RAD54L: variants seen among roughly 807,000 people sequenced by gnomAD.
RAD54L encodes DNA repair and recombination protein RAD54-like.
In RAD54L, 74 loss-of-function variants were observed where a neutral mutation model predicts 91.6. The observed-to-expected ratio is 0.81, with a 90% CI of 0.67 to 0.98. The LOEUF (loss-of-function observed/expected upper bound fraction) is 0.98, where lower values mean the gene tolerates loss of function less well. Ranked by LOEUF, RAD54L falls within the 50% of genes least tolerant of loss-of-function variation. The pLI is 0.00. For missense variants in RAD54L, 887 were observed against 945.7 expected, an observed-to-expected ratio of 0.94 and a Z score of 0.81; for synonymous variants, 304 against 349.7, an observed-to-expected ratio of 0.87 and a Z score of 1.46.
At position 46,257,134 on chromosome 1, in the gene RAD54L, A is replaced by G. The variant is rs1158389930; in HGVS notation, c.211-1552A>G. Among the ~76,000 whole-genome samples the G allele has an allele frequency of 3.6e-5, 5 of 138,542 alleles. No individual in the cohort carries two copies. In the East Asian group the frequency reaches 8.3e-4, roughly 23 times the overall value. The allele number at this position is 138,542 out of a possible 152,430, so 90.9% of individuals were successfully genotyped here. Reference sequence around the variant, plus strand: ...ACTCCAGCCTGGGCAACAGAGCAAGACTCCATCTCAAAAAAAAAAAAAAAA... The same window carrying G: ...ACTCCAGCCTGGGCAACAGAGCAAGGCTCCATCTCAAAAAAAAAAAAAAAA... On this transcript the variant is annotated intron_variant, in intron 3 of 17. Transcript: ENST00000371975.
Position 46,278,470 on chromosome 1 carries a change from G to C in RAD54L, c.*188G>C. On this transcript the variant is annotated 3_prime_UTR_variant, in exon 18 of 18. Transcript: ENST00000371975. ...AAAAAAAAGAATAAAGGTATGAAAG[G>C]GTTTGAGGCCTGAGAGCAGTGTGGT... is the stretch of plus-strand genomic sequence containing the variant. The C allele has an allele frequency of 1.3e-6, 1 of 740,968 alleles. No homozygotes were observed. Among genetic ancestry groups the C allele is most frequent in the Non-Finnish European group, 2.2e-6 (1 of 451,262 alleles). The allele number at this position is 740,968 out of a possible 1,614,324, so 45.9% of individuals were successfully genotyped here.
At position 46,267,528 on chromosome 1, in the gene RAD54L, G is replaced by A. The variant is rs1234818868; in HGVS notation, c.961G>A (p.Val321Met). 1 of 1,614,036 alleles carries A rather than the reference G, an allele frequency of 6.2e-7. No individual in the cohort carries two copies. The highest frequency in any genetic ancestry group is 1.7e-5 in the Admixed American group (1 of 60,010). ...GGACAGCTTGAACACCAGCCGGCGG[G>A]TGCTCATCTCCGGAACTCCCATCCA... ...ALDSLNTSRR[V>M]LISGTPIQND... is the part of the protein sequence containing the mutation. Residue 321 changes from valine (V) to methionine (M), a missense_variant, in exon 9 of 18, where the codon GTG becomes ATG. By Grantham distance (21) the Val-to-Met change is conservative (BLOSUM62 1). Coordinates refer to ENST00000371975, the MANE Select transcript of RAD54L (RefSeq NM_003579.4).
At position 46,278,191 on chromosome 1, in the gene RAD54L, A is replaced by C; in HGVS notation, c.2153A>C (p.Glu718Ala). 1 of 1,613,840 alleles carries C rather than the reference A, an allele frequency of 6.2e-7. No individual in the cohort carries two copies. Among genetic ancestry groups the C allele is most frequent in the East Asian group, 2.2e-5 (1 of 44,878 alleles). The change falls in exon 18 of 18, where the codon GAG becomes GCG. Residue 718 changes from glutamate (E) to alanine (A), a missense_variant. Coordinates refer to ENST00000371975, the MANE Select transcript of RAD54L (RefSeq NM_003579.4). The stretch of plus-strand genomic sequence containing the variant: ...ACTGATAAGTGGGGGCTCCGGGATG[A>C]GGTACTCCAGGCTGCCTGGGATGCT... ...HCTDKWGLRDEVLQAAWDAAS... is the reference protein window; with the variant it reads ...HCTDKWGLRDAVLQAAWDAAS...
chr1:46,267,255 G>A (rs992849756), intron 8 of RAD54L, among the ~76,000 whole-genome samples: 2 of 152,106 alleles, frequency 1.3e-5, no homozygotes, highest in African/African-American at 4.8e-5. Context: ...GTAGAGATGG[G>A]GTTTCACCAC....
At chr1:46,256,636 A>T (rs567493087) in intron 3 of RAD54L, among the ~76,000 whole-genome samples, 9 of 124,142 alleles carry the variant, frequency 7.2e-5, no homozygotes, top group Middle Eastern at 4.0e-3. Context: ...CCTGTCTTTT[A>T]AAAAAAAAAA....
chr1:46,269,941 A>T (rs1049741818), intron 9 of RAD54L, among the ~76,000 whole-genome samples: 20 of 151,856 alleles, frequency 1.3e-4, no homozygotes, highest in South Asian at 2.1e-4. Context: ...CATCTCTACA[A>T]AAAAAATACA....
At chr1:46,256,018 T>C (rs1659930193) in intron 3 of RAD54L, among the ~76,000 whole-genome samples, 1 of 152,178 alleles carries the variant, frequency 6.6e-6, no homozygotes, top group Non-Finnish European at 1.5e-5. Flanking sequence ...TGTTTTAGAA[T>C]TGATGCCAAA....
intron 16 of RAD54L, chr1:46,277,320 C>T (rs1387057970): frequency 5.3e-6 from 1 of 188,630 alleles, no homozygotes; most frequent in African/African-American, 2.4e-5. Flanking sequence ...TACTGTTCTA[C>T]TCTACCATCC....
intron 2 of RAD54L, among the ~76,000 whole-genome samples, chr1:46,249,147 C>T: frequency 6.6e-6 from 1 of 152,164 alleles, no homozygotes; most frequent in South Asian, 2.1e-4. Flanking sequence ...TAGGACAGTG[C>T]AGCATGGACT....
chr1:46,257,202 A>G (rs1160982334), intron 3 of RAD54L, among the ~76,000 whole-genome samples: 3 of 151,966 alleles, frequency 2.0e-5, no homozygotes, highest in Non-Finnish European at 2.9e-5. Context: ...ATTTCTAGAC[A>G]TTGATGATGT....
chr1:46,273,773 C>T, intron 14 of RAD54L, 26 bp downstream of exon 14: 2 of 1,583,232 alleles, frequency 1.3e-6, no homozygotes, highest in Non-Finnish European at 1.7e-6. Context: ...ACCAGGATGC[C>T]AAAGGGGGAT....
At chr1:46,250,326 C>T (rs1046852378) in intron 3 of RAD54L, among the ~76,000 whole-genome samples, 6 of 152,058 alleles carry the variant, frequency 3.9e-5, no homozygotes. Flanking sequence ...TACATGGGCA[C>T]CAGATATCAG....
intron 10 of RAD54L, 25 bp downstream of exon 10, chr1:46,270,810 A>G: frequency 6.2e-7 from 1 of 1,610,350 alleles, no homozygotes. Flanking sequence ...CGAAGTCATT[A>G]GAATTGCCTC....
intron 4 of RAD54L, 132 bp downstream of exon 4, chr1:46,258,878 G>T: frequency 1.3e-6 from 1 of 765,114 alleles, no homozygotes; most frequent in South Asian, 1.5e-5. Context: ...CTGTGTTTGG[G>T]GTGACCCTCC....
intron 3 of RAD54L, among the ~76,000 whole-genome samples, chr1:46,254,585 T>A (rs2148281107): frequency 6.9e-6 from 1 of 145,416 alleles, no homozygotes; most frequent in South Asian, 2.2e-4. Context: ...AGCACTGACT[T>A]TTTTTTTTTT....
At chr1:46,277,695 A>G (rs779114433) in intron 16 of RAD54L, 122 bp from the exon 17 acceptor site, 79 of 1,158,550 alleles carry the variant, frequency 6.8e-5, no homozygotes, top group Non-Finnish European at 9.8e-5. Context: ...TGGGACTCAT[A>G]CTTTTTATTC....
chr1:46,274,192 T>C lies in RAD54L; in HGVS notation c.1665T>C (p.Val555=). 1 of 1,613,642 alleles carries C rather than the reference T, an allele frequency of 6.2e-7. No homozygotes were observed. Among genetic ancestry groups the C allele is most frequent in the Non-Finnish European group, 8.5e-7 (1 of 1,179,540 alleles). ...TGTCCATTAAGAAGCGAGCCAAGGT[T>C]GTAGAACGCTTCAATAGTCCATCGG... The part of the protein sequence containing the change: ...GTMSIKKRAK[V]VERFNSPSSP... The change falls in exon 15 of 18, where the codon GTT becomes GTC. Residue 555 remains valine, a synonymous_variant. Transcript: ENST00000371975.
rs1292147665 is a variant in RAD54L, at chr1:46,249,921, A to G, written c.91-79A>G. The G allele has an allele frequency of 2.0e-6, 3 of 1,509,706 alleles. No homozygotes were observed. In the African/African-American group the frequency reaches 4.1e-5, roughly 21 times the overall value. 93.5% of individuals were successfully genotyped at this position (1,509,706 alleles called of 1,614,324 possible). A position where few individuals can be genotyped will look rare whatever the true frequency, so the allele number is the denominator to read the frequency against. ...TTTAGCACAGTGCCTGGCACTTAAT[A>G]AGCACTTCAAGTGTTAGTTGCCATT... On this transcript the variant is annotated intron_variant, in intron 2 of 17. Coordinates refer to ENST00000371975, the MANE Select transcript of RAD54L (RefSeq NM_003579.4).
chr1:46,260,777 CCATGGCTGCAT>C lies in RAD54L; in HGVS notation c.537_547del (p.Cys179Ter), dbSNP rs781637743. The C allele has an allele frequency of 9.3e-6, 15 of 1,614,068 alleles. No individual in the cohort carries two copies. The highest frequency in any genetic ancestry group is 1.1e-5 in the Non-Finnish European group (13 of 1,180,046). ...TCACCAGTCGGCGCATCCCTGGCAG[CCATGGCTGCAT>C]CATGGCTGATGAGATGGGCCTAGGA... On this transcript the variant is annotated frameshift_variant, in exon 7 of 18. Transcript: ENST00000371975. LOFTEE classifies it high-confidence loss of function.
Sources: gnomAD v4.1 joint callset for allele counts (sites outside exome capture counted in the v4.1 genomes callset) on GRCh38, gnomAD v4.1.1 for gene constraint, MANE v1.5 for transcripts, NCBI Gene and HGNC (gene_info 2026-07-23, HGNC 2026-07-21) for gene names.